The following ARHGEF10L variants were observed in gnomAD, a reference collection of about 807,000 sequenced individuals.
ARHGEF10L encodes the protein rho guanine nucleotide exchange factor 10-like protein.
Under a neutral mutation model 141.2 loss-of-function variants are expected in ARHGEF10L, and 69 were observed. The ratio of observed to expected loss-of-function variants is 0.49; its 90% CI spans 0.40 to 0.60. The LOEUF is 0.60. Ranked by LOEUF, ARHGEF10L falls within the 20% of genes least tolerant of loss-of-function variation. The pLI, the probability that ARHGEF10L is intolerant of heterozygous loss-of-function variation, is 0.00. For missense variants in ARHGEF10L, 1,482 were observed against 1,734.3 expected (o/e 0.85, Z 2.58); for synonymous variants, 711 against 718.5 (o/e 0.99, Z 0.17).
chr1:17,607,807 G>A lies in ARHGEF10L; in HGVS notation c.439G>A (p.Glu147Lys). 1 of 1,579,962 alleles carries A rather than the reference G, an allele frequency of 6.3e-7. No individual in the cohort carries two copies. Among genetic ancestry groups the A allele is most frequent in the Non-Finnish European group, 8.6e-7 (1 of 1,165,062 alleles). Residue 147 changes from glutamate (E) to lysine (K), a missense_variant, in exon 7 of 29, where the codon GAG becomes AAG. Physicochemically the swap from Glu to Lys is moderately conservative, Grantham distance 56 (BLOSUM62 1). This residue lies in a region of ARHGEF10L where 232 missense variants were observed against 225.9 expected (regional missense o/e 1.03). Transcript: ENST00000361221. The surrounding 1 kb of genome is among the most constrained non-coding windows in gnomAD (Gnocchi z 4.5). ...GGCTGCCGCTTGGCCAGCAGGGGCAGAGAGGAACCTGCTCTACGAGGATGC... is the reference window on the plus strand; with the variant it reads ...GGCTGCCGCTTGGCCAGCAGGGGCAAAGAGGAACCTGCTCTACGAGGATGC... ...ESPDAHQPGA[E>K]RNLLYEDAHR...
In ARHGEF10L at chr1:17,634,850, C is replaced by G. The variant is rs34725104; in HGVS notation, c.1761C>G (p.Ile587Met). 2 of 1,613,022 alleles carry G rather than the reference C, an allele frequency of 1.2e-6. No homozygotes were observed. The highest frequency in any genetic ancestry group is 1.1e-5 in the South Asian group (1 of 90,946). The change falls in exon 18 of 29, where the codon ATC becomes ATG. Residue 587 changes from isoleucine (I) to methionine (M), a missense_variant. Ile to Met is a conservative substitution (Grantham distance 10). Around this residue, in one of 3 missense-constraint regions of ARHGEF10L, gnomAD observed 858 missense variants for 966.3 expected, o/e 0.89. Coordinates refer to ENST00000361221, the MANE Select transcript of ARHGEF10L (RefSeq NM_018125.4). The part of the protein sequence containing the change: ...KPANHRGQLE[I>M]SSLVPLGPKY... ...GTTCCAACAGGGGCCAGCTGGAGATCAGCAGCCTGGTGCCCCTGGGGCCCA... is the reference window on the plus strand; with the variant it reads ...GTTCCAACAGGGGCCAGCTGGAGATGAGCAGCCTGGTGCCCCTGGGGCCCA...
chr1:17,541,765 C>G (rs183913159), intron 1 of ARHGEF10L, among the ~76,000 whole-genome samples: 31 of 151,580 alleles, frequency 2.0e-4, no homozygotes, highest in Admixed American at 5.9e-4. Flanking sequence ...GTCAGGAGTT[C>G]AGGACTAGCC....
At chr1:17,528,728 C>T in the ARHGEF10L span, among the ~76,000 whole-genome samples, 3 of 152,204 alleles carry the variant, frequency 2.0e-5, no homozygotes, top group Admixed American at 6.5e-5. Flanking sequence ...ATACATGATC[C>T]TGCCCTCGGG....
At chr1:17,554,914 T>A (rs2077250535) in intron 1 of ARHGEF10L, among the ~76,000 whole-genome samples, 1 of 152,140 alleles carries the variant, frequency 6.6e-6, no homozygotes, top group African/African-American at 2.4e-5. Context: ...TGGGCATGAC[T>A]TTCTGACCAG....
At chr1:17,679,682 C>A (rs1367390297) in intron 26 of ARHGEF10L, among the ~76,000 whole-genome samples, 1 of 152,222 alleles carries the variant, frequency 6.6e-6, no homozygotes, top group East Asian at 1.9e-4. Flanking sequence ...ATGGCCCTTC[C>A]ACATGCTCAG....
intron 17 of ARHGEF10L, 104 bp from the exon 18 acceptor site, chr1:17,634,731 G>A: frequency 1.4e-6 from 2 of 1,460,290 alleles, no homozygotes; most frequent in South Asian, 2.7e-5. Context: ...CGCTGGGGCT[G>A]CGTGAAGCCT....
chr1:17,529,780 C>G, the ARHGEF10L span, among the ~76,000 whole-genome samples: 1 of 150,752 alleles, frequency 6.6e-6, no homozygotes, highest in Non-Finnish European at 1.5e-5. Context: ...CCCTGGTAAC[C>G]TCCCATGGGG....
the ARHGEF10L span, among the ~76,000 whole-genome samples, chr1:17,524,505 G>A: frequency 7.2e-5 from 11 of 152,072 alleles, no homozygotes; most frequent in African/African-American, 2.7e-4. Flanking sequence ...CCAGGAGGTC[G>A]AGGCTGCAGT....
chr1:17,653,315 T>G (rs1192899228), intron 22 of ARHGEF10L, among the ~76,000 whole-genome samples: 1 of 152,214 alleles, frequency 6.6e-6, no homozygotes, highest in Non-Finnish European at 1.5e-5. Flanking sequence ...GTGCCTTGAC[T>G]TCCCAGTTTC....
At chr1:17,547,165 G>T (rs1053518894) in intron 1 of ARHGEF10L, among the ~76,000 whole-genome samples, 5 of 152,228 alleles carry the variant, frequency 3.3e-5, no homozygotes, top group African/African-American at 4.8e-5. Flanking sequence ...CAGGCCCAGG[G>T]TCTGCCCACC....
At chr1:17,636,585 T>A (rs2061015383) in intron 18 of ARHGEF10L, among the ~76,000 whole-genome samples, 1 of 152,082 alleles carries the variant, frequency 6.6e-6, no homozygotes, top group African/African-American at 2.4e-5. Flanking sequence ...CCTGTGGGGA[T>A]CTGCATTTCC....
Position 17,618,851 on chromosome 1 carries a change from C to T in ARHGEF10L, c.836-488C>T, listed in dbSNP as rs183065324. Reference sequence around the variant, plus strand: ...GTCAGGCTCCTGTTGAACTTTTTCCCTTTAGCTCTGCATGTTTTATTTCAA... The same window carrying T: ...GTCAGGCTCCTGTTGAACTTTTTCCTTTTAGCTCTGCATGTTTTATTTCAA... On this transcript the variant is annotated intron_variant, in intron 9 of 28. Transcript: ENST00000361221. 3.8e-3 allele frequency among the ~76,000 whole-genome samples: 576 copies of T among 152,334 alleles called. 7 individuals are homozygous for T. The highest frequency in any genetic ancestry group is 0.013 in the African/African-American group (559 of 41,574).
At chr1:17,687,778 C>T (rs1172959910) in intron 27 of ARHGEF10L, 31 bp downstream of exon 27, 2 of 1,550,634 alleles carry the variant, frequency 1.3e-6, no homozygotes, top group Non-Finnish European at 1.7e-6. Flanking sequence ...GGGGAGCGGA[C>T]AGTCACAGAG....
At chr1:17,669,392 G>A (rs770609411) in intron 26 of ARHGEF10L, among the ~76,000 whole-genome samples, 4 of 152,178 alleles carry the variant, frequency 2.6e-5, no homozygotes, top group Admixed American at 6.5e-5. Flanking sequence ...TGAGTTTTGC[G>A]CTTTACCTAT....
intron 23 of ARHGEF10L, among the ~76,000 whole-genome samples, chr1:17,655,418 A>G (rs11580813): frequency 0.13 from 19,871 of 150,844 alleles, 1,581 homozygotes; most frequent in Non-Finnish European, 0.16. Context: ...ACATCCTTCC[A>G]TCTATCTGTC....
At chr1:17,580,426 TC>T in intron 1 of ARHGEF10L, 126 bp from the exon 2 acceptor site, 1 of 742,272 alleles carries the variant, frequency 1.3e-6, no homozygotes, top group Non-Finnish European at 2.3e-6. Flanking sequence ...CTGGGGCCTT[TC>T]TGGGGCTGCC....
chr1:17,574,207 C>A (rs2078128636), intron 1 of ARHGEF10L, among the ~76,000 whole-genome samples: 1 of 152,198 alleles, frequency 6.6e-6, no homozygotes, highest in Admixed American at 6.5e-5. Context: ...GGCTCCGTAG[C>A]TGTGTGGCCT....
chr1:17,693,183 C>T (rs1443888226), intron 27 of ARHGEF10L, among the ~76,000 whole-genome samples: 1 of 152,226 alleles, frequency 6.6e-6, no homozygotes, highest in East Asian at 1.9e-4. Flanking sequence ...TCCCTCAGTG[C>T]CACTAGCTAT....
intron 28 of ARHGEF10L, among the ~76,000 whole-genome samples, chr1:17,695,972 G>A (rs796257119): frequency 6.6e-6 from 1 of 152,042 alleles, no homozygotes; most frequent in South Asian, 2.1e-4. Context: ...CGAGGTGGGT[G>A]GATTGCCTGA....
Sources: allele counts gnomAD v4.1 joint callset (sites outside exome capture counted in the v4.1 genomes callset), GRCh38; gene constraint gnomAD v4.1.1; regional missense constraint gnomAD v4.1.1; non-coding constraint Gnocchi (gnomAD v3.1); transcripts MANE v1.5; gene names NCBI Gene and HGNC (gene_info 2026-07-23, HGNC 2026-07-21).